GNAL: variants seen among roughly 807,000 people sequenced by gnomAD.
GNAL encodes the protein guanine nucleotide-binding protein G(olf) subunit alpha.
In GNAL, 18 loss-of-function variants were observed where a neutral mutation model predicts 55.1. The ratio of observed to expected loss-of-function variants is 0.33; its 90% CI spans 0.23 to 0.48. GNAL has a LOEUF of 0.48. Ranked by LOEUF, GNAL falls within the 20% of genes least tolerant of loss-of-function variation. The probability of loss-of-function intolerance (pLI) is 0.99; values close to 1 mark genes in which losing one functional copy is unlikely to be tolerated. For synonymous variants in GNAL, 253 were observed against 237.0 expected (o/e 1.07, Z -0.62); for missense variants, 412 against 614.1 (o/e 0.67, Z 3.48).
chr18:11,718,946 A>G (rs182558870), intron 1 of GNAL, among the ~76,000 whole-genome samples: 134 of 152,340 alleles, frequency 8.8e-4, no homozygotes, highest in African/African-American at 3.0e-3. Flanking sequence ...TTTATAAAGC[A>G]AATTTAATAT....
intron 1 of GNAL, among the ~76,000 whole-genome samples, chr18:11,700,207 A>G (rs916605594): frequency 6.6e-6 from 1 of 152,212 alleles, no homozygotes; most frequent in African/African-American, 2.4e-5. Context: ...ACTCTTAAAA[A>G]GCCCAGGTCA....
At chr18:11,716,131 G>A (rs183260476) in intron 1 of GNAL, among the ~76,000 whole-genome samples, 17 of 152,266 alleles carry the variant, frequency 1.1e-4, no homozygotes, top group Admixed American at 5.2e-4. Context: ...ACCATTCGAC[G>A]CAGCAATCTC....
chr18:11,846,352 C>T (rs62097390), intron 5 of GNAL, among the ~76,000 whole-genome samples: 3,179 of 151,448 alleles, frequency 0.021, 54 homozygotes, highest in Non-Finnish European at 0.033. Flanking sequence ...TTACATGCTG[C>T]TGTTCTATTT....
At chr18:11,709,817 C>G (rs1160623714) in intron 1 of GNAL, among the ~76,000 whole-genome samples, 1 of 152,056 alleles carries the variant, frequency 6.6e-6, no homozygotes, top group East Asian at 1.9e-4. Flanking sequence ...TATGCTTTGG[C>G]TGGGACTTCC....
intron 1 of GNAL, among the ~76,000 whole-genome samples, chr18:11,690,938 A>G (rs1422901803): frequency 2.0e-5 from 3 of 149,056 alleles, no homozygotes; most frequent in Admixed American, 1.3e-4. Flanking sequence ...ATGTGTCTTT[A>G]TAGCAGCATG....
intron 1 of GNAL, among the ~76,000 whole-genome samples, chr18:11,740,093 A>T (rs554861536): frequency 6.6e-6 from 1 of 151,600 alleles, no homozygotes; most frequent in African/African-American, 2.4e-5. Context: ...TTATTTATTT[A>T]TTTATTTATC....
intron 4 of GNAL, among the ~76,000 whole-genome samples, chr18:11,790,589 G>GAC (rs2034201030): frequency 6.6e-6 from 1 of 151,124 alleles, no homozygotes; most frequent in South Asian, 2.1e-4. Context: ...AGGCCCCTTT[G>GAC]ACACTTATGT....
intron 1 of GNAL, among the ~76,000 whole-genome samples, chr18:11,750,024 C>T (rs1415239802): frequency 6.6e-5 from 10 of 152,180 alleles, no homozygotes; most frequent in Admixed American, 6.5e-4. Flanking sequence ...AATGAGACAG[C>T]AGGCAGTGGA....
chr18:11,878,756 T>TA (rs1216081910), intron 11 of GNAL, among the ~76,000 whole-genome samples: 18 of 151,942 alleles, frequency 1.2e-4, no homozygotes, highest in African/African-American at 4.3e-4. Context: ...TTTATAGAGA[T>TA]ACAGCCTTGC....
intron 4 of GNAL, among the ~76,000 whole-genome samples, chr18:11,819,590 C>G (rs1256974795): frequency 6.6e-6 from 1 of 151,742 alleles, no homozygotes; most frequent in Non-Finnish European, 1.5e-5. Context: ...TTCAGTAATA[C>G]AGAAAAAATT....
chr18:11,816,734 A>C (rs2034965648), intron 4 of GNAL, among the ~76,000 whole-genome samples: 4 of 151,686 alleles, frequency 2.6e-5, no homozygotes, highest in African/African-American at 9.7e-5. Context: ...GAATCTCTTG[A>C]ACCTGGGAGG....
At chr18:11,849,442 C>T (rs1480772230) in intron 5 of GNAL, among the ~76,000 whole-genome samples, 4 of 146,830 alleles carry the variant, frequency 2.7e-5, no homozygotes. Flanking sequence ...GGGGAGGCTG[C>T]AGTGAGCCAA....
chr18:11,811,795 G>A (rs895688865), intron 4 of GNAL, among the ~76,000 whole-genome samples: 4 of 152,086 alleles, frequency 2.6e-5, no homozygotes, highest in East Asian at 1.9e-4. Context: ...GAAAGGATAC[G>A]GAGTGACTAA....
intron 4 of GNAL, among the ~76,000 whole-genome samples, chr18:11,792,124 T>G (rs1188781456): frequency 6.6e-6 from 1 of 152,132 alleles, no homozygotes; most frequent in African/African-American, 2.4e-5. Context: ...CACCATAGCT[T>G]TGGTCACGAA....
Position 11,751,630 on chromosome 18 carries a change from G to C in GNAL, c.377-1223G>C, listed in dbSNP as rs2032832403. 1 of 985,284 alleles carries C rather than the reference G, an allele frequency of 1.0e-6. No individual in the cohort carries two copies. Among genetic ancestry groups the C allele is most frequent in the African/African-American group, 1.7e-5 (1 of 57,216 alleles). The allele number at this position is 985,284 out of a possible 1,614,324, so 61.0% of individuals were successfully genotyped here. A position where few individuals can be genotyped will look rare whatever the true frequency, so the allele number is the denominator to read the frequency against. On this transcript the variant is annotated intron_variant, in intron 1 of 11. Coordinates refer to ENST00000334049, the MANE Select transcript of GNAL (RefSeq NM_182978.4). The surrounding 1 kb of genome is among the most constrained non-coding windows in gnomAD (Gnocchi z 4.5). ...GGCGCGCGCCCAGACGCACTTTCCCGGCTCGGGGTGCAAGAGAGCCAGGCG... is the reference window on the plus strand; with the variant it reads ...GGCGCGCGCCCAGACGCACTTTCCCCGCTCGGGGTGCAAGAGAGCCAGGCG...
chr18:11,693,025 A>AT (rs1265515265), intron 1 of GNAL, among the ~76,000 whole-genome samples: 4 of 150,756 alleles, frequency 2.7e-5, no homozygotes, highest in African/African-American at 7.5e-5. Context: ...AAAGGGGAGA[A>AT]TTTTTTTAAA....
chr18:11,854,585 T>G (rs993058382), intron 5 of GNAL: 1 of 154,958 alleles, frequency 6.5e-6, no homozygotes, highest in African/African-American at 2.4e-5. Flanking sequence ...AGTTTGAGAC[T>G]AGCCTGACCA....
intron 1 of GNAL, among the ~76,000 whole-genome samples, chr18:11,748,919 G>A (rs2143064976): frequency 6.6e-6 from 1 of 152,242 alleles, no homozygotes; most frequent in Middle Eastern, 3.4e-3. Flanking sequence ...GAGGTCAGGA[G>A]TTTGAGACCA....
intron 5 of GNAL, among the ~76,000 whole-genome samples, chr18:11,835,298 G>T (rs1202448524): frequency 6.6e-6 from 1 of 151,914 alleles, no homozygotes; most frequent in Non-Finnish European, 1.5e-5. Context: ...TTGAGGAATG[G>T]ATACATGGAT....
Sources: allele counts gnomAD v4.1 joint callset (sites outside exome capture counted in the v4.1 genomes callset), GRCh38; gene constraint gnomAD v4.1.1; non-coding constraint Gnocchi (gnomAD v3.1); transcripts MANE v1.5; gene names NCBI Gene and HGNC (gene_info 2026-07-23, HGNC 2026-07-21).